SLC39A11: variants seen among roughly 807,000 people sequenced by gnomAD.
SLC39A11 encodes the protein zinc transporter ZIP11.
SLC39A11 carries 33 observed loss-of-function variants against 36.1 expected under a neutral mutation model. The ratio of observed to expected loss-of-function variants is 0.91; its 90% CI spans 0.69 to 1.22. SLC39A11 has a LOEUF of 1.22. Ranked by LOEUF, SLC39A11 falls within the 50% of genes most tolerant of loss-of-function variation. The pLI, the probability that SLC39A11 is intolerant of heterozygous loss-of-function variation, is 0.00. For synonymous variants in SLC39A11, 166 were observed against 170.3 expected (o/e 0.97, Z 0.20); for missense variants, 432 against 430.3 (o/e 1.00, Z -0.03).
intron 3 of SLC39A11, among the ~76,000 whole-genome samples, chr17:73,082,201 G>A (rs1484336243): frequency 1.4e-5 from 2 of 144,594 alleles, no homozygotes; most frequent in Admixed American, 7.0e-5. Context: ...ATTTTCCTAT[G>A]AGCCTAGGGC....
At position 72,667,355 on chromosome 17, in the gene SLC39A11, G is replaced by A. The variant is rs78385285; in HGVS notation, c.672-18087C>T. On this transcript the variant is annotated intron_variant, in intron 7 of 9. Coordinates refer to ENST00000255559, the MANE Select transcript of SLC39A11 (RefSeq NM_139177.4). ...CCTGCTGACTCTAGGTGCAGGGGGC[G>A]CTTTAGAAAACCAGGCGAGAAGCTG... is the stretch of plus-strand genomic sequence containing the variant. Among the ~76,000 whole-genome samples the A allele has an allele frequency of 4.5e-3, 683 of 152,294 alleles. 10 individuals carry two copies. Among genetic ancestry groups the A allele is most frequent in the African/African-American group, 0.015 (619 of 41,562 alleles).
intron 4 of SLC39A11, among the ~76,000 whole-genome samples, chr17:72,951,353 A>G (rs4969040): frequency 0.2 from 30,768 of 151,806 alleles, 4,000 homozygotes; most frequent in East Asian, 0.38. Context: ...TCAGGACGCC[A>G]TAGCTCCCTG....
At chr17:72,797,532 GAAT>G (rs1384769414) in intron 6 of SLC39A11, among the ~76,000 whole-genome samples, 1 of 152,070 alleles carries the variant, frequency 6.6e-6, no homozygotes, top group Non-Finnish European at 1.5e-5. Flanking sequence ...TTGCTTGGGG[GAAT>G]AATGGAAGAC....
chr17:73,022,464 G>A (rs892325581), intron 4 of SLC39A11, among the ~76,000 whole-genome samples: 5 of 152,074 alleles, frequency 3.3e-5, no homozygotes, highest in African/African-American at 1.2e-4. Flanking sequence ...GCATGGTGGT[G>A]CACACCTATA....
At chr17:72,980,294 G>A (rs369489451) in intron 4 of SLC39A11, among the ~76,000 whole-genome samples, 77 of 152,212 alleles carry the variant, frequency 5.1e-4, no homozygotes, top group African/African-American at 1.4e-3. Context: ...AGGAGACCCC[G>A]TCTGTAATAC....
At chr17:72,950,423 G>A (rs1026002103) in intron 4 of SLC39A11, among the ~76,000 whole-genome samples, 2 of 152,182 alleles carry the variant, frequency 1.3e-5, no homozygotes. Flanking sequence ...CTCTCCCTCT[G>A]TAGAAACCCC....
At chr17:73,043,660 G>C (rs969893521) in intron 3 of SLC39A11, among the ~76,000 whole-genome samples, 1 of 152,146 alleles carries the variant, frequency 6.6e-6, no homozygotes, top group African/African-American at 2.4e-5. Flanking sequence ...CCAGCTGTTG[G>C]GCTCTGGACA....
intron 5 of SLC39A11, among the ~76,000 whole-genome samples, chr17:72,902,109 T>C (rs60653817): frequency 0.14 from 20,772 of 151,776 alleles, 1,807 homozygotes; most frequent in East Asian, 0.28. Context: ...CCGTCTCTAC[T>C]AAAAATACAA....
chr17:73,065,009 T>C (rs940380311), intron 3 of SLC39A11, among the ~76,000 whole-genome samples: 4 of 152,118 alleles, frequency 2.6e-5, no homozygotes, highest in Non-Finnish European at 5.9e-5. Flanking sequence ...AGTGTCTTTA[T>C]AGCCATAAAT....
chr17:72,671,588 G>T (rs1237467119), intron 7 of SLC39A11, among the ~76,000 whole-genome samples: 1 of 152,128 alleles, frequency 6.6e-6, no homozygotes. Context: ...AGGCATGGTG[G>T]TGGATGCCTG....
intron 3 of SLC39A11, among the ~76,000 whole-genome samples, chr17:73,073,185 T>C (rs2060216483): frequency 6.6e-6 from 1 of 151,808 alleles, no homozygotes. Flanking sequence ...ACCCCAAAAA[T>C]AAAATAAAAT....
intron 7 of SLC39A11, among the ~76,000 whole-genome samples, chr17:72,707,249 C>A (rs902558531): frequency 6.6e-6 from 1 of 151,922 alleles, no homozygotes; most frequent in Admixed American, 6.6e-5. Context: ...AAAAATGTTT[C>A]TTTAAGTAGC....
chr17:73,053,860 A>C (rs1329345940), intron 3 of SLC39A11, among the ~76,000 whole-genome samples: 1 of 152,220 alleles, frequency 6.6e-6, no homozygotes, highest in African/African-American at 2.4e-5. Flanking sequence ...GAAATTTTCA[A>C]ACTGCTTCAG....
chr17:72,971,867 G>C (rs1476595142), intron 4 of SLC39A11, among the ~76,000 whole-genome samples: 1 of 152,178 alleles, frequency 6.6e-6, no homozygotes, highest in Non-Finnish European at 1.5e-5. Flanking sequence ...TGGGGAGACA[G>C]GTTTTATCTA....
intron 2 of SLC39A11, among the ~76,000 whole-genome samples, chr17:73,087,069 C>A (rs58909715): frequency 0.24 from 36,720 of 150,480 alleles, 4,589 homozygotes; most frequent in Middle Eastern, 0.36. Context: ...AAAAAAAAAA[C>A]AAACAAAAAC....
At chr17:72,946,917 T>G (rs1305618884) in intron 5 of SLC39A11, among the ~76,000 whole-genome samples, 2 of 152,210 alleles carry the variant, frequency 1.3e-5, no homozygotes, top group Non-Finnish European at 2.9e-5. Context: ...CTTCAGTAAT[T>G]GCTGTCTGAT....
intron 3 of SLC39A11, among the ~76,000 whole-genome samples, chr17:73,079,841 T>C (rs568668014): frequency 6.6e-6 from 1 of 152,292 alleles, no homozygotes; most frequent in African/African-American, 2.4e-5. Flanking sequence ...AGCTCTGCTA[T>C]ACACCAACAG....
chr17:72,737,361 A>C (rs1319288201), intron 6 of SLC39A11, among the ~76,000 whole-genome samples: 17 of 152,180 alleles, frequency 1.1e-4, no homozygotes, highest in Non-Finnish European at 5.9e-5. Context: ...AGCCATGCTC[A>C]TTGGCTGACG....
chr17:73,035,386 C>T (rs2058870816), intron 3 of SLC39A11, among the ~76,000 whole-genome samples: 1 of 152,130 alleles, frequency 6.6e-6, no homozygotes, highest in Non-Finnish European at 1.5e-5. Flanking sequence ...AGTGATTGCC[C>T]ACCTCAGCCT....
Sources: allele counts gnomAD v4.1 joint callset (sites outside exome capture counted in the v4.1 genomes callset), GRCh38; gene constraint gnomAD v4.1.1; transcripts MANE v1.5; gene names NCBI Gene and HGNC (gene_info 2026-07-23, HGNC 2026-07-21).